Variants in PPP2R2D observed in about 807,000 individuals in gnomAD.
PPP2R2D encodes protein phosphatase 2 regulatory subunit Bdelta.
PPP2R2D carries 9 observed loss-of-function variants against 31.1 expected under a neutral mutation model. The ratio of observed to expected loss-of-function variants is 0.29; its 90% CI spans 0.17 to 0.51. The LOEUF is 0.51. Ranked by LOEUF, PPP2R2D falls within the 20% of genes least tolerant of loss-of-function variation. The pLI, the probability that PPP2R2D is intolerant of heterozygous loss-of-function variation, is 0.98. For missense variants in PPP2R2D, 391 were observed against 465.6 expected, an observed-to-expected ratio of 0.84 and a Z score of 1.48; for synonymous variants, 179 against 172.6, an observed-to-expected ratio of 1.04 and a Z score of -0.29.
intron 8 of PPP2R2D, among the ~76,000 whole-genome samples, chr10:131,953,357 G>A (rs1307610985): frequency 8.5e-5 from 5 of 58,862 alleles, no homozygotes; most frequent in Non-Finnish European, 9.4e-5. Flanking sequence ...CCAGTTGTGC[G>A]GGGGGTTCAC....
intron 2 of PPP2R2D, among the ~76,000 whole-genome samples, chr10:131,930,170 G>A (rs1281750550): frequency 2.0e-5 from 3 of 152,142 alleles, no homozygotes; most frequent in African/African-American, 7.2e-5. Flanking sequence ...ACTTTCCTAG[G>A]TCTAATGATT....
the PPP2R2D span, chr10:131,970,584 C>A: frequency 3.9e-4 from 616 of 1,589,668 alleles, 4 homozygotes; most frequent in South Asian, 6.4e-3. This position sits in a 1 kb window ranked among gnomAD's most constrained non-coding sequence, Gnocchi z 4.1. Context: ...TCACTGCAAC[C>A]CAGAATCGCC....
At chr10:131,926,598 G>A (rs782646382) in intron 2 of PPP2R2D, among the ~76,000 whole-genome samples, 7 of 152,184 alleles carry the variant, frequency 4.6e-5, no homozygotes, top group Non-Finnish European at 1.0e-4. Flanking sequence ...TGAGCTCACC[G>A]CCTGGCAGCC....
chr10:131,961,396 G>A (rs1252091520), downstream of PPP2R2D, among the ~76,000 whole-genome samples: 3 of 152,146 alleles, frequency 2.0e-5, no homozygotes, highest in African/African-American at 7.2e-5. Flanking sequence ...AGAGCTGTGG[G>A]GTTTGGCTGC....
intron 8 of PPP2R2D, among the ~76,000 whole-genome samples, chr10:131,949,654 C>A (rs1010269800): frequency 2.0e-5 from 3 of 152,164 alleles, no homozygotes; most frequent in African/African-American, 7.2e-5. Context: ...AGGAAACAGC[C>A]TGAACCAGGA....
At chr10:131,926,678 A>G (rs1554894973) in intron 2 of PPP2R2D, among the ~76,000 whole-genome samples, 1 of 152,190 alleles carries the variant, frequency 6.6e-6, no homozygotes, top group Non-Finnish European at 1.5e-5. Context: ...TTCTTCTCAG[A>G]GAAGTTTTAT....
At chr10:131,949,559 A>G (rs1291327512) in intron 8 of PPP2R2D, among the ~76,000 whole-genome samples, 1 of 152,218 alleles carries the variant, frequency 6.6e-6, no homozygotes, top group Non-Finnish European at 1.5e-5. Context: ...CCACAGCAGA[A>G]CTGAACCTCC....
chr10:131,906,758 CAAAAA>C (rs879099384), intron 2 of PPP2R2D, among the ~76,000 whole-genome samples: 1 of 101,766 alleles, frequency 9.8e-6, no homozygotes, highest in Admixed American at 1.0e-4. Context: ...TTGTCTCTAC[CAAAAA>C]AAAAAAAAAA....
At position 131,956,671 on chromosome 10, in the gene PPP2R2D, A is replaced by C. The variant is rs2036805804; in HGVS notation, c.*708A>C. 1 of 599,418 alleles carries C rather than the reference A, an allele frequency of 1.7e-6. No homozygotes were observed. Among genetic ancestry groups the C allele is most frequent in the African/African-American group, 2.0e-5 (1 of 49,646 alleles). 37.1% of individuals were successfully genotyped at this position (599,418 alleles called of 1,614,324 possible). A position where few individuals can be genotyped will look rare whatever the true frequency, so the allele number is the denominator to read the frequency against. ...TTTGGCAGCGTGGGGGTATGTGTGC[A>C]GCATTTCTGTCCCCAAGCTGCTGCC... On this transcript the variant is annotated 3_prime_UTR_variant, in exon 9 of 9. Coordinates refer to ENST00000455566, the MANE Select transcript of PPP2R2D (RefSeq NM_018461.5).
chr10:131,919,979 TCAGG>T (rs2035939797), intron 2 of PPP2R2D, among the ~76,000 whole-genome samples: 1 of 138,616 alleles, frequency 7.2e-6, no homozygotes, highest in African/African-American at 2.8e-5. Context: ...TGTAGGGTCC[TCAGG>T]CGGGTGGAAT....
At chr10:131,922,476 A>C (rs2036007572) in intron 2 of PPP2R2D, among the ~76,000 whole-genome samples, 1 of 147,776 alleles carries the variant, frequency 6.8e-6, no homozygotes, top group Non-Finnish European at 1.5e-5. Context: ...TTTTTGAGAC[A>C]GAATCTCACA....
intron 5 of PPP2R2D, chr10:131,940,938 A>G (rs2036430882): frequency 7.8e-6 from 3 of 383,458 alleles, no homozygotes; most frequent in Non-Finnish European, 9.3e-6. Context: ...GGGAAAACTC[A>G]TATTTAATTC....
intron 2 of PPP2R2D, among the ~76,000 whole-genome samples, chr10:131,926,331 C>G (rs1161997658): frequency 6.6e-6 from 1 of 152,104 alleles, no homozygotes; most frequent in African/African-American, 2.4e-5. Flanking sequence ...TGAAAAGACA[C>G]AGAAACGTGT....
At chr10:131,941,152 C>T (rs1481240152) in intron 5 of PPP2R2D, among the ~76,000 whole-genome samples, 1 of 152,100 alleles carries the variant, frequency 6.6e-6, no homozygotes, top group Non-Finnish European at 1.5e-5. Flanking sequence ...TAGGCAGATG[C>T]TGATGGTTCA....
chr10:131,929,853 C>G (rs1259964250), intron 2 of PPP2R2D, among the ~76,000 whole-genome samples: 1 of 152,180 alleles, frequency 6.6e-6, no homozygotes, highest in African/African-American at 2.4e-5. Flanking sequence ...GTCCTTTAAA[C>G]CTGGGACCTC....
chr10:131,941,842 G>A (rs1313210844), intron 5 of PPP2R2D, among the ~76,000 whole-genome samples: 1 of 152,174 alleles, frequency 6.6e-6, no homozygotes, highest in African/African-American at 2.4e-5. Context: ...TCACATCGAT[G>A]TTGTCACCGT....
At chr10:131,903,150 A>G (rs1389304365) in intron 2 of PPP2R2D, among the ~76,000 whole-genome samples, 1 of 152,212 alleles carries the variant, frequency 6.6e-6, no homozygotes, top group Non-Finnish European at 1.5e-5. Flanking sequence ...CTGTACACAT[A>G]TGAAAATAGT....
intron 2 of PPP2R2D, among the ~76,000 whole-genome samples, chr10:131,910,099 T>G (rs1330466931): frequency 1.3e-5 from 2 of 152,212 alleles, no homozygotes; most frequent in South Asian, 4.1e-4. Flanking sequence ...TCCTGGAGGC[T>G]CTTAGCGATG....
At chr10:131,926,150 A>G (rs782169124) in intron 2 of PPP2R2D, among the ~76,000 whole-genome samples, 2 of 152,214 alleles carry the variant, frequency 1.3e-5, no homozygotes, top group Non-Finnish European at 2.9e-5. Context: ...TAATTCGGAT[A>G]AACTCAATTT....
Sources: allele counts gnomAD v4.1 joint callset (sites outside exome capture counted in the v4.1 genomes callset), GRCh38; gene constraint gnomAD v4.1.1; non-coding constraint Gnocchi (gnomAD v3.1); transcripts MANE v1.5; gene names NCBI Gene and HGNC (gene_info 2026-07-23, HGNC 2026-07-21).